The following ZP3 variants were observed in gnomAD, a reference collection of about 807,000 sequenced individuals.
ZP3 encodes zona pellucida sperm-binding protein 3.
A neutral mutation model predicts 35.6 loss-of-function variants in ZP3; 21 were observed. That is an observed-to-expected ratio of 0.59 (90% confidence interval 0.42 to 0.85). ZP3 has a LOEUF of 0.85. Among genes scored for constraint, ZP3 ranks in the 40% least tolerant of loss-of-function variants. The pLI, the probability that ZP3 is intolerant of heterozygous loss-of-function variation, is 0.00. For missense variants in ZP3, 437 were observed against 536.5 expected (o/e 0.81, Z 1.83); for synonymous variants, 207 against 214.5 (o/e 0.96, Z 0.31).
At chr7:76,410,074 G>C (rs1041544268) in intron 1 of ZP3, among the ~76,000 whole-genome samples, 7 of 151,756 alleles carry the variant, frequency 4.6e-5, no homozygotes, top group Admixed American at 3.3e-4. Context: ...CTGTCACCCA[G>C]GCTGCTGGAG....
chr7:76,428,164 TAAA>T (rs71521125), intron 1 of ZP3, among the ~76,000 whole-genome samples: 5 of 133,950 alleles, frequency 3.7e-5, no homozygotes, highest in East Asian at 2.2e-4. Flanking sequence ...TGTCTCTATT[TAAA>T]AAAAAAAAAA....
chr7:76,414,645 ACT>A (rs2115847044), intron 1 of ZP3, among the ~76,000 whole-genome samples: 1 of 126,814 alleles, frequency 7.9e-6, no homozygotes, highest in Admixed American at 8.3e-5. Flanking sequence ...GCAGGAACAG[ACT>A]CTGCTTCTAC....
At chr7:76,422,082 G>C (rs577631812), upstream of ZP3, among the ~76,000 whole-genome samples, 62 of 152,038 alleles carry the variant, frequency 4.1e-4, no homozygotes, top group Non-Finnish European at 8.5e-4. Context: ...TTTTAGTAGA[G>C]ACGGGGTTTC....
chr7:76,436,723 A>G (rs1806024785), intron 5 of ZP3, among the ~76,000 whole-genome samples: 1 of 152,258 alleles, frequency 6.6e-6, no homozygotes, highest in Non-Finnish European at 1.5e-5. Flanking sequence ...CCCTCGGATC[A>G]GTGACCGATA....
chr7:76,416,818 A>C (rs13225700), intron 1 of ZP3, among the ~76,000 whole-genome samples: 29,599 of 133,878 alleles, frequency 0.22, 3,228 homozygotes, highest in Middle Eastern at 0.31. Flanking sequence ...CTCTCTCTCT[A>C]TATATATATA....
chr7:76,416,973 T>TATATATATAA (rs568367143), intron 1 of ZP3, among the ~76,000 whole-genome samples: 15 of 47,156 alleles, frequency 3.2e-4, no homozygotes, highest in Middle Eastern at 0.014. Context: ...TATATATATA[T>TATATATATAA]AATTTGGCAT....
At chr7:76,428,366 A>G (rs1805732271) in intron 1 of ZP3, among the ~76,000 whole-genome samples, 1 of 152,240 alleles carries the variant, frequency 6.6e-6, no homozygotes, top group East Asian at 1.9e-4. Flanking sequence ...AGGGGTTTCC[A>G]GTGCTGGCTC....
chr7:76,437,661 A>ATTTTTT (rs3972771), intron 5 of ZP3, among the ~76,000 whole-genome samples: 2 of 129,712 alleles, frequency 1.5e-5, no homozygotes, highest in Non-Finnish European at 1.6e-5. Context: ...TAATTTCTGT[A>ATTTTTT]TTTTTTTTTT....
intron 3 of ZP3, 31 bp downstream of exon 3, chr7:76,433,061 T>C (rs1351299150): frequency 1.9e-6 from 3 of 1,566,076 alleles, no homozygotes; most frequent in Non-Finnish European, 1.8e-6. Flanking sequence ...GGGACATCTG[T>C]GGAAAGACCT....
upstream of ZP3, among the ~76,000 whole-genome samples, chr7:76,421,962 T>C (rs1160381218): frequency 6.6e-6 from 1 of 152,026 alleles, no homozygotes; most frequent in Non-Finnish European, 1.5e-5. Context: ...AGCGGCGTGA[T>C]CTTGGCTCAC....
At chr7:76,409,119 T>C (rs751671199) in intron 1 of ZP3, among the ~76,000 whole-genome samples, 5 of 152,072 alleles carry the variant, frequency 3.3e-5, no homozygotes, top group Non-Finnish European at 7.4e-5. Flanking sequence ...TGCAGACCCT[T>C]GAGGGTGGAA....
At chr7:76,416,973 T>TAAAA (rs34261390) in intron 1 of ZP3, among the ~76,000 whole-genome samples, 2 of 47,158 alleles carry the variant, frequency 4.2e-5, no homozygotes, top group South Asian at 4.9e-4. Context: ...TATATATATA[T>TAAAA]AATTTGGCAT....
rs3081031 is a variant in ZP3 at position 76,405,340 on chromosome 7, T to TTTC, written c.-67+7545_-67+7546insCTT. ...ATGTATTTTTTTCTTTCTTTCTTTC[T>TTTC]TTTTTTTTTTTTTTTTTTTTTGGTA... On this transcript the variant is annotated intron_variant, in intron 1 of 8. Transcript: ENST00000336517. Among the ~76,000 whole-genome samples, 189 of 48,914 alleles carry TTTC rather than the reference T, an allele frequency of 3.9e-3. 14 individuals carry two copies. The highest frequency in any genetic ancestry group is 0.013 in the African/African-American group (140 of 10,376). The allele number at this position is 48,914 out of a possible 152,430, so 32.1% of individuals were successfully genotyped here. A position where few individuals can be genotyped will look rare whatever the true frequency, so the allele number is the denominator to read the frequency against.
At chr7:76,421,058 C>T (rs1805493263), upstream of ZP3, among the ~76,000 whole-genome samples, 1 of 151,930 alleles carries the variant, frequency 6.6e-6, no homozygotes, top group South Asian at 2.1e-4. Context: ...GCCTCAGCCT[C>T]CTGAGTAGCT....
intron 1 of ZP3, among the ~76,000 whole-genome samples, chr7:76,417,629 G>A (rs1329607931): frequency 7.2e-6 from 1 of 138,154 alleles, no homozygotes; most frequent in African/African-American, 2.9e-5. Context: ...TTTTTTTTTC[G>A]AGACAAGATC....
chr7:76,407,358 G>T (rs1805072524), intron 1 of ZP3, among the ~76,000 whole-genome samples: 1 of 151,420 alleles, frequency 6.6e-6, no homozygotes, highest in African/African-American at 2.4e-5. Context: ...TTGAGACAGA[G>T]TCTCGCCTTG....
chr7:76,432,280 C>T (rs181261557), intron 2 of ZP3, among the ~76,000 whole-genome samples: 1,761 of 152,014 alleles, frequency 0.012, 46 homozygotes, highest in Non-Finnish European at 9.8e-3. Flanking sequence ...ACTCCACCTC[C>T]GAGGTTCACG....
chr7:76,405,274 TATATATATATATATATATATATATA>T (rs1804964894), intron 1 of ZP3, among the ~76,000 whole-genome samples: 6 of 21,250 alleles, frequency 2.8e-4, no homozygotes, highest in East Asian at 4.7e-3. Context: ...CAGCTAATTA[TATATATATATATATATATATATATA>T]TATATATATA....
chr7:76,419,793 C>T (rs1455040904), intron 1 of ZP3, among the ~76,000 whole-genome samples: 4 of 138,334 alleles, frequency 2.9e-5, no homozygotes, highest in African/African-American at 1.1e-4. Flanking sequence ...CTCCTCCTCC[C>T]CCTCCTCCCT....
Sources: allele counts gnomAD v4.1 joint callset (sites outside exome capture counted in the v4.1 genomes callset), GRCh38; gene constraint gnomAD v4.1.1; transcripts MANE v1.5; gene names NCBI Gene and HGNC (gene_info 2026-07-23, HGNC 2026-07-21).